Variants in LCT observed in about 807,000 individuals in gnomAD.
LCT encodes lactase.
Under a neutral mutation model 173.0 loss-of-function variants are expected in LCT, and 90 were observed. The ratio of observed to expected loss-of-function variants is 0.52; its 90% CI spans 0.44 to 0.62. The LOEUF is 0.62. Among genes scored for constraint, LCT ranks in the 20% least tolerant of loss-of-function variants. The probability of loss-of-function intolerance (pLI) is 0.00; values close to 1 mark genes in which losing one functional copy is unlikely to be tolerated. For missense variants in LCT, 1,864 were observed against 2,431.4 expected (o/e 0.77, Z 4.91); for synonymous variants, 853 against 957.6 (o/e 0.89, Z 2.02).
At chr2:135,807,510 A>C in intron 8 of LCT, 114 bp from the exon 9 acceptor site, 1 of 965,918 alleles carries the variant, frequency 1.0e-6, no homozygotes, top group Non-Finnish European at 1.7e-6. Flanking sequence ...AAAGTGACAT[A>C]CACCCTGAGA....
intron 3 of LCT, among the ~76,000 whole-genome samples, chr2:135,828,032 A>G (rs1396717068): frequency 6.6e-6 from 1 of 151,838 alleles, no homozygotes; most frequent in African/African-American, 2.4e-5. Context: ...TTTTATTTTT[A>G]TTTTTATTTT....
intron 12 of LCT, among the ~76,000 whole-genome samples, chr2:135,799,707 C>T (rs1412684919): frequency 2.0e-5 from 3 of 152,220 alleles, no homozygotes; most frequent in East Asian, 1.9e-4. Flanking sequence ...GCCTTAGCCT[C>T]CCAAAGTGCT....
chr2:135,820,054 C>T (rs1379903601), intron 5 of LCT: 2 of 152,208 alleles, frequency 1.3e-5, no homozygotes, highest in East Asian at 1.9e-4. Context: ...TGTCTCCTGC[C>T]ACATTCTCAT....
At chr2:135,828,571 A>C (rs1188824218) in intron 3 of LCT, among the ~76,000 whole-genome samples, 1 of 152,208 alleles carries the variant, frequency 6.6e-6, no homozygotes, top group African/African-American at 2.4e-5. Context: ...GGGTTATAGG[A>C]ATACTGCCAG....
At chr2:135,794,455 C>G (rs2077561452) in intron 14 of LCT, 186 bp downstream of exon 14, 3 of 659,914 alleles carry the variant, frequency 4.5e-6, no homozygotes, top group African/African-American at 1.8e-5. Flanking sequence ...GAGACCCCGG[C>G]CTTCTCTCCC....
chr2:135,821,988 T>C, intron 5 of LCT, 32 bp downstream of exon 5: 1 of 1,202,104 alleles, frequency 8.3e-7, no homozygotes, highest in African/African-American at 1.5e-5. Context: ...AAATATCAGT[T>C]ATTGATAGTT....
At chr2:135,830,579 G>T (rs1041550609) in intron 2 of LCT, among the ~76,000 whole-genome samples, 1 of 152,238 alleles carries the variant, frequency 6.6e-6, no homozygotes, top group East Asian at 1.9e-4. Flanking sequence ...GCCTGTGGAA[G>T]TTACTTATAT....
At chr2:135,821,836 T>A (rs867793456) in intron 5 of LCT, 184 bp downstream of exon 5, 192 of 597,578 alleles carry the variant, frequency 3.2e-4, no homozygotes, top group Non-Finnish European at 4.7e-4. Flanking sequence ...ACCTCGTGAG[T>A]CCCACTCAGT....
At chr2:135,836,503 G>T (rs766090329) in intron 1 of LCT, 27 bp downstream of exon 1, 2 of 1,611,272 alleles carry the variant, frequency 1.2e-6, no homozygotes, top group South Asian at 2.2e-5. Context: ...TTGCCGAGGG[G>T]TCACCATCAG....
At chr2:135,806,283 G>C (rs1346527636) in intron 9 of LCT, among the ~76,000 whole-genome samples, 1 of 152,140 alleles carries the variant, frequency 6.6e-6, no homozygotes, top group Non-Finnish European at 1.5e-5. Flanking sequence ...GGACCAATGT[G>C]CTTGTTTTAA....
chr2:135,826,546 TG>T (rs1395436503), intron 3 of LCT, among the ~76,000 whole-genome samples: 1 of 151,776 alleles, frequency 6.6e-6, no homozygotes, highest in Non-Finnish European at 1.5e-5. Flanking sequence ...CCAGCCTGGG[TG>T]ACAGAGCGAG....
At chr2:135,805,097 C>A in intron 9 of LCT, 40 bp from the exon 10 acceptor site, 1 of 1,578,458 alleles carries the variant, frequency 6.3e-7, no homozygotes, top group South Asian at 1.1e-5. Flanking sequence ...GTCATTCAGT[C>A]AAGCACTCAC....
intron 6 of LCT, among the ~76,000 whole-genome samples, chr2:135,815,704 T>G (rs1161234965): frequency 6.6e-6 from 1 of 151,518 alleles, no homozygotes; most frequent in Admixed American, 6.6e-5. Context: ...TTATTATTAT[T>G]TTTGAGATGA....
intron 10 of LCT, 38 bp from the exon 11 acceptor site, chr2:135,804,166 C>T (rs1341507125): frequency 6.5e-7 from 1 of 1,541,032 alleles, no homozygotes; most frequent in South Asian, 1.1e-5. Context: ...ATCAGTCATG[C>T]TTTCCATGGG....
chr2:135,829,778 A>C (rs972384295), intron 2 of LCT, 102 bp from the exon 3 acceptor site: 2 of 804,996 alleles, frequency 2.5e-6, no homozygotes, highest in African/African-American at 3.4e-5. Flanking sequence ...TCACTAAACC[A>C]AATATTCCAA....
At chr2:135,795,604 C>CTAATAATAATAATAA (rs768794511) in intron 13 of LCT, among the ~76,000 whole-genome samples, 21 of 146,050 alleles carry the variant, frequency 1.4e-4, no homozygotes, top group African/African-American at 3.8e-4. Context: ...TTCTCCAACT[C>CTAATAATAATAATAA]TAATAATAAT....
rs199901583 is a variant in LCT at position 135,805,007 on chromosome 2, C to T, written c.4224G>A (p.Thr1408=). The T allele has an allele frequency of 4.6e-5, 74 of 1,614,192 alleles. No homozygotes were observed. The East Asian group carries it at 1.2e-3, about 26-fold the overall frequency. Residue 1408 remains threonine, a synonymous_variant, in exon 10 of 17, where the codon ACG becomes ACA. Transcript: ENST00000264162. ...CAACCCTCAGTGGTGTGTGAGAAAACGTGTCCCAAATGCTGAGTCCTTTGC... is the reference window on the plus strand; with the variant it reads ...CAACCCTCAGTGGTGTGTGAGAAAATGTGTCCCAAATGCTGAGTCCTTTGC... ...ADGKGLSIWD[T]FSHTPLRVEN...
At chr2:135,793,196 C>G (rs1364278802) in intron 14 of LCT, among the ~76,000 whole-genome samples, 1 of 152,216 alleles carries the variant, frequency 6.6e-6, no homozygotes, top group South Asian at 2.1e-4. Context: ...AAACTACAAC[C>G]AAGGACCCTC....
In LCT at chr2:135,836,934, A is replaced by G. The variant is rs1483709990; in HGVS notation, c.236T>C (p.Leu79Pro). 1.1e-5 allele frequency: 18 copies of G among 1,614,004 alleles called. No individual in the cohort carries two copies. The highest frequency in any genetic ancestry group is 1.5e-5 in the Non-Finnish European group (18 of 1,180,018). ...ATAATGGGTGATCTGACTGGCATGG[A>G]GACTGCTGAAGTATTCTGGCAGGAA... The part of the protein sequence containing the change: ...PTFLPEYFSS[L>P]HASQITHYKV... Residue 79 changes from leucine (L) to proline (P), a missense_variant, in exon 1 of 17, where the codon CTC becomes CCC. Leu to Pro is a moderately conservative substitution (Grantham distance 98). Coordinates refer to ENST00000264162, the MANE Select transcript of LCT (RefSeq NM_002299.4).
Sources: gnomAD v4.1 joint callset for allele counts (sites outside exome capture counted in the v4.1 genomes callset) on GRCh38, gnomAD v4.1.1 for gene constraint, MANE v1.5 for transcripts, NCBI Gene and HGNC (gene_info 2026-07-23, HGNC 2026-07-21) for gene names.